Variants in C5 observed in about 807,000 individuals in gnomAD.
C5 encodes complement C5, also known as C3 and PZP-like alpha-2-macroglobulin domain-containing protein 4.
Under a neutral mutation model 218.8 loss-of-function variants are expected in C5, and 140 were observed. That is an observed-to-expected ratio of 0.64 (90% CI 0.56 to 0.74). The LOEUF (loss-of-function observed/expected upper bound fraction) is 0.74, where lower values mean the gene tolerates loss of function less well. Ranked by LOEUF, C5 falls within the 30% of genes least tolerant of loss-of-function variation. The pLI, the probability that C5 is intolerant of heterozygous loss-of-function variation, is 0.00. For missense variants in C5, 1,700 were observed against 1,969.6 expected (o/e 0.86, Z 2.59); for synonymous variants, 614 against 682.3 (o/e 0.90, Z 1.56).
At chr9:121,058,772 A>T in the C5 span, among the ~76,000 whole-genome samples, 8 of 152,004 alleles carry the variant, frequency 5.3e-5, no homozygotes, top group African/African-American at 1.7e-4. Context: ...TATTTTATAA[A>T]CTCTTAAATA....
At chr9:121,044,474 T>TCAA (rs769466358) in intron 2 of C5, among the ~76,000 whole-genome samples, 63 of 151,760 alleles carry the variant, frequency 4.2e-4, no homozygotes, top group Non-Finnish European at 5.6e-4. Flanking sequence ...AGACCCTGTC[T>TCAA]CAACAACAAC....
intron 2 of C5, among the ~76,000 whole-genome samples, chr9:121,043,370 C>T (rs1168920008): frequency 2.0e-5 from 3 of 152,144 alleles, no homozygotes; most frequent in Non-Finnish European, 4.4e-5. Context: ...TAGCTTTAAG[C>T]AATTGAAAGT....
chr9:121,021,552 A>G lies in C5; in HGVS notation c.1259T>C (p.Phe420Ser). ...VTRVDDGVAS[F>S]VLNLPSGVTV... ...CACTCCAGATGGGAGATTAAGCACA[A>G]AGGAAGCTACTCCATCATCAACACG... The change falls in exon 11 of 41, where the codon TTT becomes TCT. Residue 420 changes from phenylalanine (F) to serine (S), a missense_variant. By Grantham distance (155) the Phe-to-Ser change is radical (BLOSUM62 -2). Coordinates refer to ENST00000223642, the MANE Select transcript of C5 (RefSeq NM_001735.3). The G allele has an allele frequency of 6.2e-7, 1 of 1,614,008 alleles. No individual in the cohort carries two copies. Among genetic ancestry groups the G allele is most frequent in the Non-Finnish European group, 8.5e-7 (1 of 1,179,956 alleles).
intron 17 of C5, 35 bp downstream of exon 17, chr9:121,013,838 T>C (rs1380240459): frequency 1.0e-5 from 16 of 1,559,056 alleles, no homozygotes; most frequent in African/African-American, 1.4e-5. Context: ...ATTCCCCATA[T>C]TGAGCAGAAT....
chr9:121,023,393 A>T lies in C5; in HGVS notation c.1116+11T>A. 6.6e-7 allele frequency: 1 copy of T among 1,504,182 alleles called. No homozygotes were observed. Among genetic ancestry groups the T allele is most frequent in the Non-Finnish European group, 9.3e-7 (1 of 1,079,822 alleles). 93.2% of individuals were successfully genotyped at this position (1,504,182 alleles called of 1,614,324 possible). ...CATATGTAGCAACGTCTACCCCCTC[A>T]CCCAATCTACCTTGATGGGATATGG... On this transcript the variant is annotated intron_variant, in intron 10 of 40. Coordinates refer to ENST00000223642, the MANE Select transcript of C5 (RefSeq NM_001735.3).
intron 33 of C5, among the ~76,000 whole-genome samples, chr9:120,965,199 T>C (rs1323836588): frequency 6.6e-6 from 1 of 152,134 alleles, no homozygotes; most frequent in Admixed American, 6.5e-5. Flanking sequence ...AGGGCATATC[T>C]TTTCCTCAAT....
chr9:121,004,435 T>C (rs1423610414), intron 20 of C5, among the ~76,000 whole-genome samples: 3 of 151,996 alleles, frequency 2.0e-5, no homozygotes, highest in Non-Finnish European at 4.4e-5. Context: ...AAAATGGAAA[T>C]ATGAATTCAT....
chr9:121,062,075 TC>T, the C5 span, among the ~76,000 whole-genome samples: 7 of 152,236 alleles, frequency 4.6e-5, no homozygotes, highest in African/African-American at 1.7e-4. Flanking sequence ...TTTCTTTTTT[TC>T]TTTTTTAGCA....
chr9:120,994,903 C>A, intron 22 of C5, among the ~76,000 whole-genome samples: 1 of 142,038 alleles, frequency 7.0e-6, no homozygotes. Flanking sequence ...ATAATGTCAG[C>A]AGAAGAAGCA....
chr9:120,967,920 G>A (rs1351086747), intron 33 of C5, among the ~76,000 whole-genome samples: 1 of 151,700 alleles, frequency 6.6e-6, no homozygotes, highest in East Asian at 1.9e-4. Context: ...ATGGGGTCTG[G>A]CTATGGTGCC....
At chr9:120,999,912 G>T (rs190640667) in intron 20 of C5, 83 of 451,072 alleles carry the variant, frequency 1.8e-4, no homozygotes, top group Non-Finnish European at 2.8e-4. Context: ...CTGTCAAGTT[G>T]GCTGGGCATG....
At chr9:120,962,248 T>G (rs2046832945) in intron 36 of C5, among the ~76,000 whole-genome samples, 1 of 152,124 alleles carries the variant, frequency 6.6e-6, no homozygotes, top group Non-Finnish European at 1.5e-5. Context: ...TACAAATAAT[T>G]GAATGCAATG....
the C5 span, among the ~76,000 whole-genome samples, chr9:121,069,639 A>C: frequency 1.3e-5 from 2 of 152,046 alleles, no homozygotes; most frequent in Non-Finnish European, 2.9e-5. Context: ...CAGCCTCCCA[A>C]GTAGCTAGGA....
the C5 span, among the ~76,000 whole-genome samples, chr9:121,058,421 T>C: frequency 6.6e-6 from 1 of 152,154 alleles, no homozygotes; most frequent in Admixed American, 6.5e-5. Flanking sequence ...TCCAGATATA[T>C]GTGTGTATAT....
At chr9:121,039,988 G>A (rs993155372) in intron 3 of C5, among the ~76,000 whole-genome samples, 1 of 152,228 alleles carries the variant, frequency 6.6e-6, no homozygotes, top group Non-Finnish European at 1.5e-5. Flanking sequence ...AGATACAGTA[G>A]TGAAACAAAT....
chr9:120,973,410 G>A (rs2046929154), intron 30 of C5, among the ~76,000 whole-genome samples: 1 of 152,160 alleles, frequency 6.6e-6, no homozygotes, highest in South Asian at 2.1e-4. Flanking sequence ...GGGACCACAA[G>A]CACAAATGCC....
chr9:120,983,623 C>T (rs542642865), intron 25 of C5, among the ~76,000 whole-genome samples: 5 of 152,136 alleles, frequency 3.3e-5, no homozygotes, highest in African/African-American at 7.2e-5. Flanking sequence ...GAAGCCTGGG[C>T]GTCATAGTGA....
upstream of C5, among the ~76,000 whole-genome samples, chr9:121,050,596 C>T (rs1488132949): frequency 6.6e-6 from 1 of 152,268 alleles, no homozygotes; most frequent in African/African-American, 2.4e-5. Context: ...GATGTTGCAT[C>T]ATCTGCAAGC....
the C5 span, among the ~76,000 whole-genome samples, chr9:121,056,779 TAG>T: frequency 8.6e-5 from 13 of 150,748 alleles, no homozygotes; most frequent in Non-Finnish European, 8.9e-5. Flanking sequence ...AAAGGGGATG[TAG>T]AGAGAGAGAG....
Sources: allele counts gnomAD v4.1 joint callset (sites outside exome capture counted in the v4.1 genomes callset), GRCh38; gene constraint gnomAD v4.1.1; transcripts MANE v1.5; gene names NCBI Gene and HGNC (gene_info 2026-07-23, HGNC 2026-07-21).